The following BRIP1 variants were observed in gnomAD, a reference collection of about 807,000 sequenced individuals.
The protein encoded by BRIP1 is Fanconi anemia group J protein.
In BRIP1, 88 loss-of-function variants were observed where a neutral mutation model predicts 119.7. The observed-to-expected ratio is 0.74, with a 90% CI of 0.62 to 0.88. The LOEUF is 0.88. Among genes scored for constraint, BRIP1 ranks in the 40% least tolerant of loss-of-function variants. The probability of loss-of-function intolerance (pLI) is 0.00; values close to 1 mark genes in which losing one functional copy is unlikely to be tolerated. For synonymous variants in BRIP1, 443 were observed against 496.5 expected (o/e 0.89, Z 1.43); for missense variants, 1,259 against 1,455.4 (o/e 0.87, Z 2.20).
In BRIP1 at chr17:61,803,889, A is replaced by T. The variant is rs1444282330; in HGVS notation, c.919-2415T>A. On this transcript the variant is annotated intron_variant, in intron 7 of 19. Transcript: ENST00000259008. The surrounding 1 kb of genome is among the most constrained non-coding windows in gnomAD (Gnocchi z 4.3). ...TTGAAAATTAACCAAATGTCTACCC[A>T]TAAGGGACATGTTAAATAAATTATG... Among the ~76,000 whole-genome samples the T allele has an allele frequency of 2.0e-5, 3 of 152,160 alleles. No homozygotes were observed. Among genetic ancestry groups the T allele is most frequent in the Non-Finnish European group, 4.4e-5 (3 of 68,016 alleles).
rs781102464 is a variant in BRIP1, at chr17:61,683,738, A to G, written c.3308T>C (p.Ile1103Thr). Residue 1103 changes from isoleucine to threonine, a missense_variant, in exon 20 of 20, where the codon ATT becomes ACT. Physicochemically the swap from Ile to Thr is moderately conservative, Grantham distance 89 (BLOSUM62 -1). Around this residue, in one of 3 missense-constraint regions of BRIP1, gnomAD observed 753 missense variants for 891.8 expected, o/e 0.84. Coordinates refer to ENST00000259008, the MANE Select transcript of BRIP1 (RefSeq NM_032043.3). This position sits in a 1 kb window ranked among gnomAD's most constrained non-coding sequence, Gnocchi z 4.7. ...TTCTTCACTTACTAGAGACAATTCAATGTCTGGATCCAGGGCTTCTTCAGA... is the reference window on the plus strand; with the variant it reads ...TTCTTCACTTACTAGAGACAATTCAGTGTCTGGATCCAGGGCTTCTTCAGA... ...LCSEEALDPD[I>T]ELSLVSEEDK... The G allele has an allele frequency of 4.3e-6, 7 of 1,613,994 alleles. No individual in the cohort carries two copies. In the South Asian group the frequency reaches 7.7e-5, roughly 18 times the overall value.
At position 61,703,551 on chromosome 17, in the gene BRIP1, T is replaced by C. The variant is rs2144278954; in HGVS notation, c.2493-10039A>G. 6.6e-6 allele frequency among the ~76,000 whole-genome samples: 1 copy of C among 152,348 alleles called. No individual in the cohort carries two copies. Among genetic ancestry groups the C allele is most frequent in the South Asian group, 2.1e-4 (1 of 4,832 alleles). On this transcript the variant is annotated intron_variant, in intron 17 of 19. Coordinates refer to ENST00000259008, the MANE Select transcript of BRIP1 (RefSeq NM_032043.3). This position sits in a 1 kb window ranked among gnomAD's most constrained non-coding sequence, Gnocchi z 5.0. ...TTCTGGATATTAGACGTTTGTAAGA[T>C]GCATAGTTTGCAAACATTTTCTCGC...
chr17:61,811,466 G>A (rs1426097101), intron 6 of BRIP1, among the ~76,000 whole-genome samples: 4 of 151,724 alleles, frequency 2.6e-5, no homozygotes, highest in East Asian at 3.9e-4. Flanking sequence ...CAGGTGATCC[G>A]CCTGCATCGG....
In BRIP1 at chr17:61,796,157, C is replaced by T. The variant is rs112784409; in HGVS notation, c.1341-2428G>A. ...TCCTTATATATTCTGGTTATTAATC[C>T]CTTGTCAGATGGGTAGTTTGCAAAT... is the stretch of plus-strand genomic sequence containing the variant. On this transcript the variant is annotated intron_variant, in intron 9 of 19. Coordinates refer to ENST00000259008, the MANE Select transcript of BRIP1 (RefSeq NM_032043.3). This position sits in a 1 kb window ranked among gnomAD's most constrained non-coding sequence, Gnocchi z 4.8. 1.5e-4 allele frequency among the ~76,000 whole-genome samples: 23 copies of T among 151,976 alleles called. No homozygotes were observed. Among genetic ancestry groups the T allele is most frequent in the African/African-American group, 5.1e-4 (21 of 41,452 alleles).
rs1275349636 is a variant in BRIP1 at position 61,708,657 on chromosome 17, G to A, written c.2492+7294C>T. On this transcript the variant is annotated intron_variant, in intron 17 of 19. Transcript: ENST00000259008. This position sits in a 1 kb window ranked among gnomAD's most constrained non-coding sequence, Gnocchi z 4.4. ...GTTGTTGTTTTGGTCTGTTTTTCATGTTACAGACTTTCTTTGACAATCTGG... is the reference window on the plus strand; with the variant it reads ...GTTGTTGTTTTGGTCTGTTTTTCATATTACAGACTTTCTTTGACAATCTGG... Among the ~76,000 whole-genome samples, 1 of 152,134 alleles carries A rather than the reference G, an allele frequency of 6.6e-6. No homozygotes were observed. Among genetic ancestry groups the A allele is most frequent in the African/African-American group, 2.4e-5 (1 of 41,436 alleles).
At position 61,683,857 on chromosome 17, in the gene BRIP1, C is replaced by T. The variant is rs878855152; in HGVS notation, c.3189G>A (p.Ser1063=). The T allele has an allele frequency of 2.5e-6, 4 of 1,613,990 alleles. No individual in the cohort carries two copies. Among genetic ancestry groups the T allele is most frequent in the Admixed American group, 1.7e-5 (1 of 59,984 alleles). Reference sequence around the variant, plus strand: ...TTTCTGATTGAGGGCATGATCCAAACGATGTGTTTACTGTCAGATTTGAGG... The same window carrying T: ...TTTCTGATTGAGGGCATGATCCAAATGATGTGTTTACTGTCAGATTTGAGG... The part of the protein sequence containing the change: ...CESSNLTVNT[S]FGSCPQSETI... Residue 1063 remains serine, a synonymous_variant, in exon 20 of 20, where the codon TCG becomes TCA. Transcript: ENST00000259008. This position sits in a 1 kb window ranked among gnomAD's most constrained non-coding sequence, Gnocchi z 4.7.
Position 61,708,819 on chromosome 17 carries a change from C to T in BRIP1, c.2492+7132G>A, listed in dbSNP as rs1429146973. On this transcript the variant is annotated intron_variant, in intron 17 of 19. Coordinates refer to ENST00000259008, the MANE Select transcript of BRIP1 (RefSeq NM_032043.3). The surrounding 1 kb of genome is among the most constrained non-coding windows in gnomAD (Gnocchi z 4.4). ...AACTGGGCCAATTTGTAGATATTTT[C>T]TCATGGGGTGGTCAGTTTCCCTAAA... Among the ~76,000 whole-genome samples, 1 of 152,050 alleles carries T rather than the reference C, an allele frequency of 6.6e-6. No homozygotes were observed. Among genetic ancestry groups the T allele is most frequent in the East Asian group, 1.9e-4 (1 of 5,186 alleles).
chr17:61,773,882 T>C (rs906473828), intron 14 of BRIP1, among the ~76,000 whole-genome samples: 8 of 152,020 alleles, frequency 5.3e-5, no homozygotes, highest in Non-Finnish European at 1.2e-4. Flanking sequence ...AAAACCACAA[T>C]GAGATACCAT....
intron 16 of BRIP1, among the ~76,000 whole-genome samples, chr17:61,723,340 C>G (rs1335359016): frequency 1.3e-5 from 2 of 152,188 alleles, no homozygotes; most frequent in South Asian, 4.1e-4. Context: ...CTTATAAACA[C>G]ATTCTTATCT....
At chr17:61,772,820 GAAA>G (rs71355193) in intron 14 of BRIP1, among the ~76,000 whole-genome samples, 1 of 53,566 alleles carries the variant, frequency 1.9e-5, no homozygotes, top group African/African-American at 8.1e-5. Context: ...TTCCATCTCA[GAAA>G]AAAAAAAAAA....
At chr17:61,733,535 T>G (rs2076878531) in intron 16 of BRIP1, among the ~76,000 whole-genome samples, 1 of 152,184 alleles carries the variant, frequency 6.6e-6, no homozygotes, top group African/African-American at 2.4e-5. Flanking sequence ...ATCAATTTTT[T>G]TGTGTGTGTT....
intron 10 of BRIP1, among the ~76,000 whole-genome samples, chr17:61,792,293 A>G (rs1249941436): frequency 6.6e-6 from 1 of 152,214 alleles, no homozygotes; most frequent in Non-Finnish European, 1.5e-5. Flanking sequence ...GCAAAGCTAA[A>G]CACAGTCTTA....
intron 7 of BRIP1, among the ~76,000 whole-genome samples, chr17:61,801,791 T>C (rs1041460482): frequency 6.6e-6 from 1 of 152,188 alleles, no homozygotes; most frequent in Non-Finnish European, 1.5e-5. Context: ...ATGTTAGGCA[T>C]GAAATACTTC....
rs1305099262 is a variant in BRIP1 at position 61,738,164 on chromosome 17, G to C, written c.2379+4849C>G. 6.6e-6 allele frequency among the ~76,000 whole-genome samples: 1 copy of C among 152,162 alleles called. No individual in the cohort carries two copies. The highest frequency in any genetic ancestry group is 1.5e-5 in the Non-Finnish European group (1 of 68,034). ...GCTGAGCCCAGCTAAAATCGAGAGA[G>C]CCAACCAACCAAGCCCAAGCCTAGA... is the stretch of plus-strand genomic sequence containing the variant. On this transcript the variant is annotated intron_variant, in intron 16 of 19. Coordinates refer to ENST00000259008, the MANE Select transcript of BRIP1 (RefSeq NM_032043.3). This position sits in a 1 kb window ranked among gnomAD's most constrained non-coding sequence, Gnocchi z 4.2.
Position 61,857,388 on chromosome 17 carries a change from C to T in BRIP1, c.206-157G>A, listed in dbSNP as rs2078913593. ...ACCTGGCAAACCTGGACAAGCTGGT[C>T]ACTTTATCTGCAGCATCAAATTAGG... is the stretch of plus-strand genomic sequence containing the variant. On this transcript the variant is annotated intron_variant, in intron 3 of 19. Transcript: ENST00000259008. This position sits in a 1 kb window ranked among gnomAD's most constrained non-coding sequence, Gnocchi z 5.1. Among the ~76,000 whole-genome samples, 1 of 152,158 alleles carries T rather than the reference C, an allele frequency of 6.6e-6. No individual in the cohort carries two copies. The highest frequency in any genetic ancestry group is 2.4e-5 in the African/African-American group (1 of 41,422).
At chr17:61,692,134 C>T (rs1262411470) in intron 18 of BRIP1, among the ~76,000 whole-genome samples, 2 of 152,252 alleles carry the variant, frequency 1.3e-5, no homozygotes, top group Non-Finnish European at 2.9e-5. Flanking sequence ...TGATTGTAGA[C>T]TTTCTGAGGT....
In BRIP1 at chr17:61,767,794, A is replaced by G. The variant is rs781639629; in HGVS notation, c.2097+8607T>C. On this transcript the variant is annotated intron_variant, in intron 14 of 19. Transcript: ENST00000259008. This position sits in a 1 kb window ranked among gnomAD's most constrained non-coding sequence, Gnocchi z 5.7. Reference sequence around the variant, plus strand: ...TTTACATTACATTTTCACACATGCCAAGCTAAACTCTGTGATTATGAAAAT... The same window carrying G: ...TTTACATTACATTTTCACACATGCCGAGCTAAACTCTGTGATTATGAAAAT... Among the ~76,000 whole-genome samples, 1 of 152,156 alleles carries G rather than the reference A, an allele frequency of 6.6e-6. No individual in the cohort carries two copies. The highest frequency in any genetic ancestry group is 1.5e-5 in the Non-Finnish European group (1 of 68,024).
intron 6 of BRIP1, among the ~76,000 whole-genome samples, chr17:61,813,421 G>C (rs1252035404): frequency 3.3e-5 from 5 of 151,902 alleles, no homozygotes; most frequent in African/African-American, 4.8e-5. Context: ...CTGTAACTTA[G>C]CTTTTTTTAA....
chr17:61,820,576 A>G (rs1033019300), intron 6 of BRIP1, among the ~76,000 whole-genome samples: 4 of 152,218 alleles, frequency 2.6e-5, no homozygotes, highest in Non-Finnish European at 5.9e-5. Flanking sequence ...GAATGTAATC[A>G]CATGCACTTA....
Sources: allele counts gnomAD v4.1 joint callset (sites outside exome capture counted in the v4.1 genomes callset), GRCh38; gene constraint gnomAD v4.1.1; regional missense constraint gnomAD v4.1.1; non-coding constraint Gnocchi (gnomAD v3.1); transcripts MANE v1.5; gene names NCBI Gene and HGNC (gene_info 2026-07-23, HGNC 2026-07-21).